Variants in ZNF487 observed in about 807,000 individuals in gnomAD.
The protein encoded by ZNF487 is zinc finger protein 487, also known as KRAB domain only 1.
A neutral mutation model predicts 3.0 loss-of-function variants in ZNF487; 4 were observed. The ratio of observed to expected loss-of-function variants is 1.35; its 90% confidence interval spans 0.66 to 3.08. The LOEUF (loss-of-function observed/expected upper bound fraction) is 3.08. ZNF487 is among the 30% of genes most tolerant of loss of function. The probability of loss-of-function intolerance (pLI) is 0.01; values close to 1 mark genes in which losing one functional copy is unlikely to be tolerated. For missense variants in ZNF487, 146 were observed against 98.7 expected (o/e 1.48, Z -2.03); for synonymous variants, 55 against 34.6 (o/e 1.59, Z -2.06).
chr10:43,509,847 C>T, the ZNF487 span, among the ~76,000 whole-genome samples: 1 of 152,086 alleles, frequency 6.6e-6, no homozygotes, highest in African/African-American at 2.4e-5. Flanking sequence ...TCCTTCAATA[C>T]AATTAAGTTG....
the ZNF487 span, among the ~76,000 whole-genome samples, chr10:43,504,997 C>T: frequency 2.6e-5 from 4 of 152,228 alleles, no homozygotes; most frequent in Middle Eastern, 3.4e-3. Context: ...TGAGCCACTG[C>T]ACCCAGCCTC....
At chr10:43,522,309 G>T in the ZNF487 span, among the ~76,000 whole-genome samples, 1,891 of 152,270 alleles carry the variant, frequency 0.012, 20 homozygotes, top group Middle Eastern at 0.034. Flanking sequence ...TTGAAATCAG[G>T]AGTTTGAGAC....
In ZNF487 at chr10:43,456,603, T is replaced by C. The variant is rs574219849; in HGVS notation, c.-93-19118T>C. Reference sequence around the variant, plus strand: ...AATTATTTTTCTTTTTCTTTTGAGATGGAGTGTCGCTCTGTCGCCCAGGCT... The same window carrying C: ...AATTATTTTTCTTTTTCTTTTGAGACGGAGTGTCGCTCTGTCGCCCAGGCT... On this transcript the variant is annotated intron_variant, in intron 1 of 3. Coordinates refer to ENST00000437590, the MANE Select transcript of ZNF487 (RefSeq NM_001355444.3). Among the ~76,000 whole-genome samples, 5 of 152,306 alleles carry C rather than the reference T, an allele frequency of 3.3e-5. No individual in the cohort carries two copies. In the East Asian group the frequency reaches 9.6e-4, roughly 29 times the overall value.
chr10:43,493,218 G>A, the ZNF487 span, among the ~76,000 whole-genome samples: 2 of 152,010 alleles, frequency 1.3e-5, no homozygotes, highest in African/African-American at 2.4e-5. Context: ...CAACAAGAGC[G>A]AAACTCCTTC....
At position 43,481,613 on chromosome 10, in the gene ZNF487, T is replaced by G. The variant is rs1339656215; in HGVS notation, c.315T>G (p.Ser105=). ...SRKIRGNCDS[S]GMNLNNISEL... is the part of the protein sequence containing the mutation. ...AAATACGTGGCAACTGTGACTCATC[T>G]GGAATGAATTTGAATAATATTTCAG... The change falls in exon 4 of 4, where the codon TCT becomes TCG. Residue 105 remains serine, a synonymous_variant. Transcript: ENST00000437590. 2 of 690,156 alleles carry G rather than the reference T, an allele frequency of 2.9e-6. No homozygotes were observed. Among genetic ancestry groups the G allele is most frequent in the Non-Finnish European group, 5.3e-6 (2 of 375,122 alleles). 42.8% of individuals were successfully genotyped at this position (690,156 alleles called of 1,614,324 possible).
At chr10:43,490,668 C>T in the ZNF487 span, among the ~76,000 whole-genome samples, 5,123 of 148,176 alleles carry the variant, frequency 0.035, 245 homozygotes, top group African/African-American at 0.098. Flanking sequence ...CGCCACCACG[C>T]CTGGCTAATT....
chr10:43,489,078 C>T, the ZNF487 span, among the ~76,000 whole-genome samples: 1 of 152,070 alleles, frequency 6.6e-6, no homozygotes, highest in Non-Finnish European at 1.5e-5. Flanking sequence ...CCAGCCCAGG[C>T]AACAGAGACA....
At chr10:43,483,436 C>T (rs1841437118), downstream of ZNF487, among the ~76,000 whole-genome samples, 2 of 151,678 alleles carry the variant, frequency 1.3e-5, no homozygotes, top group Admixed American at 1.3e-4. Context: ...GACGGGGTTT[C>T]ACCATGTTGG....
intron 3 of ZNF487, among the ~76,000 whole-genome samples, chr10:43,478,849 T>C (rs1841199132): frequency 6.6e-6 from 1 of 151,156 alleles, no homozygotes; most frequent in South Asian, 2.1e-4. Context: ...GAATGTTACC[T>C]CTCAGTGGAC....
intron 1 of ZNF487, among the ~76,000 whole-genome samples, chr10:43,460,880 C>T (rs1241577426): frequency 1.3e-5 from 2 of 151,748 alleles, no homozygotes; most frequent in African/African-American, 4.8e-5. Flanking sequence ...TTTAGAGAGA[C>T]AGGGTTTCAC....
At chr10:43,498,260 A>T in the ZNF487 span, among the ~76,000 whole-genome samples, 2 of 107,686 alleles carry the variant, frequency 1.9e-5, no homozygotes, top group African/African-American at 7.5e-5. Context: ...TTGGTATTTT[A>T]TATATATATA....
At chr10:43,440,517 G>T (rs1054215644) in intron 1 of ZNF487, among the ~76,000 whole-genome samples, 9 of 152,050 alleles carry the variant, frequency 5.9e-5, no homozygotes, top group African/African-American at 2.4e-5. Context: ...AATTAGCCCG[G>T]CATGGTAATG....
chr10:43,446,986 GC>G (rs1403048727), intron 1 of ZNF487, among the ~76,000 whole-genome samples: 1 of 152,094 alleles, frequency 6.6e-6, no homozygotes, highest in African/African-American at 2.4e-5. Flanking sequence ...GAGGTCAGGA[GC>G]TGGAGACCAG....
intron 1 of ZNF487, among the ~76,000 whole-genome samples, chr10:43,444,144 C>T (rs141613656): frequency 0.091 from 13,819 of 152,086 alleles, 775 homozygotes; most frequent in Non-Finnish European, 0.12. Context: ...TGAGCCACCG[C>T]GCCCGGCTCC....
chr10:43,497,987 T>G, the ZNF487 span, among the ~76,000 whole-genome samples: 3 of 136,074 alleles, frequency 2.2e-5, no homozygotes, highest in African/African-American at 6.0e-5. Context: ...AAAAAAGATA[T>G]ATATATATAT....
chr10:43,490,791 C>T, the ZNF487 span, among the ~76,000 whole-genome samples: 1 of 150,818 alleles, frequency 6.6e-6, no homozygotes, highest in South Asian at 2.1e-4. Flanking sequence ...TCCCCTGCCT[C>T]AGCCTCCTGA....
chr10:43,472,810 C>A (rs1321817000), intron 1 of ZNF487, among the ~76,000 whole-genome samples: 2 of 152,010 alleles, frequency 1.3e-5, no homozygotes, highest in African/African-American at 4.8e-5. Flanking sequence ...GGGAGCCTTC[C>A]AACTTATTCT....
the ZNF487 span, among the ~76,000 whole-genome samples, chr10:43,507,475 C>T: frequency 9.2e-5 from 14 of 152,332 alleles, no homozygotes; most frequent in African/African-American, 3.1e-4. Context: ...TCAGCGTGCT[C>T]TCCTGGTGTC....
At chr10:43,443,061 C>CG (rs558710214) in intron 1 of ZNF487, among the ~76,000 whole-genome samples, 1 of 119,908 alleles carries the variant, frequency 8.3e-6, no homozygotes, top group African/African-American at 3.2e-5. Flanking sequence ...CTCGTTCTAG[C>CG]TTTTTTTTTT....
Sources: gnomAD v4.1 joint callset for allele counts (sites outside exome capture counted in the v4.1 genomes callset) on GRCh38, gnomAD v4.1.1 for gene constraint, MANE v1.5 for transcripts, NCBI Gene and HGNC (gene_info 2026-07-23, HGNC 2026-07-21) for gene names.